The following C10orf143 variants were observed in gnomAD, a reference collection of about 807,000 sequenced individuals.
C10orf143 encodes the protein chromosome 10 open reading frame 143, also known as uncharacterized protein C10orf143.
chr10:130,087,522 T>C (rs777794965), intron 1 of C10orf143, among the ~76,000 whole-genome samples: 39 of 152,132 alleles, frequency 2.6e-4, no homozygotes, highest in African/African-American at 7.2e-5. Flanking sequence ...GCCTCAATGA[T>C]AGAAACACAC....
At chr10:130,082,095 G>A (rs1489077388) in intron 1 of C10orf143, among the ~76,000 whole-genome samples, 1 of 151,990 alleles carries the variant, frequency 6.6e-6, no homozygotes, top group Non-Finnish European at 1.5e-5. Context: ...AGCATTAAAA[G>A]TCCAGATATA....
chr10:130,106,739 T>C, intron 1 of C10orf143: 1 of 1,254,508 alleles, frequency 8.0e-7, no homozygotes, highest in South Asian at 1.2e-5. Context: ...AGCTGAAGTA[T>C]GGAACGAACA....
intron 1 of C10orf143, among the ~76,000 whole-genome samples, chr10:130,090,630 C>T (rs1025341087): frequency 9.2e-5 from 14 of 152,284 alleles, no homozygotes; most frequent in Admixed American, 3.3e-4. Context: ...GTGGATCCCA[C>T]CCCCAAGGAG....
chr10:130,086,886 G>A (rs1861299422), intron 1 of C10orf143, among the ~76,000 whole-genome samples: 3 of 152,164 alleles, frequency 2.0e-5, no homozygotes, highest in Non-Finnish European at 4.4e-5. Flanking sequence ...TGGTTGAATG[G>A]CCCTTGGCAC....
downstream of C10orf143, among the ~76,000 whole-genome samples, chr10:130,059,809 G>A (rs773348572): frequency 2.0e-5 from 3 of 152,072 alleles, no homozygotes; most frequent in Non-Finnish European, 2.9e-5. Flanking sequence ...GCCCTGATTC[G>A]GATCCCAATT....
intron 1 of C10orf143, chr10:130,107,450 G>C (rs774334831): frequency 2.1e-6 from 3 of 1,399,044 alleles, no homozygotes; most frequent in Non-Finnish European, 3.0e-6. Flanking sequence ...TTGGGCTGCT[G>C]AAAGAAACCT....
At chr10:130,093,939 G>T (rs1313114043) in intron 1 of C10orf143, among the ~76,000 whole-genome samples, 1 of 151,516 alleles carries the variant, frequency 6.6e-6, no homozygotes, top group East Asian at 1.9e-4. Flanking sequence ...GAACCCGGGA[G>T]GCGGAGCTTG....
At chr10:130,108,182 A>G in intron 1 of C10orf143, 1 of 1,573,188 alleles carries the variant, frequency 6.4e-7, no homozygotes, top group South Asian at 1.1e-5. Context: ...GTTCATGAGA[A>G]GAGCACCTCC....
intron 3 of C10orf143, among the ~76,000 whole-genome samples, chr10:130,039,187 G>T (rs1330702947): frequency 1.3e-5 from 2 of 152,218 alleles, no homozygotes; most frequent in Non-Finnish European, 2.9e-5. Flanking sequence ...GTATTGGCCA[G>T]TGTCTCCAGG....
chr10:130,042,449 A>G lies in C10orf143; in HGVS notation c.298-6479T>C, dbSNP rs561539361. Among the ~76,000 whole-genome samples, 3 of 152,388 alleles carry G rather than the reference A, an allele frequency of 2.0e-5. No homozygotes were observed. The South Asian group carries it at 6.2e-4, about 32-fold the overall frequency. On this transcript the variant is annotated intron_variant and NMD_transcript_variant, in intron 3 of 5. Coordinates refer to the C10orf143 transcript ENST00000643056. ...AAGAAACATTGTGATCGATTTCACC[A>G]TCGTTTTCTCAAACGGTCTCAGTCC...
At chr10:130,066,092 A>G (rs1860928169) in intron 3 of C10orf143, 1 of 152,136 alleles carries the variant, frequency 6.6e-6, no homozygotes, top group East Asian at 1.9e-4. Context: ...TGCTCTGTTC[A>G]AGGAGGGGTA....
At position 130,056,419 on chromosome 10, in the gene C10orf143, G is replaced by T. The variant is rs979652113; in HGVS notation, c.298-20449C>A. On this transcript the variant is annotated intron_variant and NMD_transcript_variant, in intron 3 of 5. Coordinates refer to the C10orf143 transcript ENST00000643056. This position sits in a 1 kb window ranked among gnomAD's most constrained non-coding sequence, Gnocchi z 4.6. ...CAGCAAGGGTCATGCTGAGTCAAGC[G>T]TTCAGTGAATACCCCAGGACCTTCA... 2.6e-5 allele frequency among the ~76,000 whole-genome samples: 4 copies of T among 152,102 alleles called. No individual in the cohort carries two copies. Among genetic ancestry groups the T allele is most frequent in the African/African-American group, 4.8e-5 (2 of 41,420 alleles).
chr10:130,088,849 G>A (rs1350996178), intron 1 of C10orf143, among the ~76,000 whole-genome samples: 1 of 152,162 alleles, frequency 6.6e-6, no homozygotes, highest in East Asian at 1.9e-4. Context: ...CTCTTAGGAG[G>A]TTTCTTTCTA....
chr10:130,037,776 A>T (rs1397792774), intron 3 of C10orf143, among the ~76,000 whole-genome samples: 1 of 152,162 alleles, frequency 6.6e-6, no homozygotes, highest in African/African-American at 2.4e-5. Flanking sequence ...ATCCCAGCTA[A>T]CCCACTGTGA....
At position 130,084,495 on chromosome 10, in the gene C10orf143, A is replaced by C. The variant is rs532490589; in HGVS notation, c.70-4594T>G. Reference sequence around the variant, plus strand: ...AATACACTGTAAATAACAAGAGCAAAGTTTCTCACTGTTTAAGAAATAAGC... The same window carrying C: ...AATACACTGTAAATAACAAGAGCAACGTTTCTCACTGTTTAAGAAATAAGC... On this transcript the variant is annotated intron_variant, in intron 1 of 3. Coordinates refer to ENST00000637128, the MANE Select transcript of C10orf143 (RefSeq NM_001355042.2). Among the ~76,000 whole-genome samples, 20 of 152,320 alleles carry C rather than the reference A, an allele frequency of 1.3e-4. No homozygotes were observed. The South Asian group carries it at 2.7e-3, about 20-fold the overall frequency.
chr10:130,076,267 C>G (rs180835117), intron 3 of C10orf143, among the ~76,000 whole-genome samples: 1 of 152,084 alleles, frequency 6.6e-6, no homozygotes, highest in Non-Finnish European at 1.5e-5. Context: ...CTATGTACTG[C>G]GGGAGGGCTA....
At chr10:130,081,415 A>G (rs906635507) in intron 1 of C10orf143, among the ~76,000 whole-genome samples, 6 of 152,366 alleles carry the variant, frequency 3.9e-5, no homozygotes, top group African/African-American at 1.4e-4. Flanking sequence ...AAGGCAGAGC[A>G]AGTACACAGA....
At chr10:130,110,667 C>T in intron 1 of C10orf143, 37 bp downstream of exon 1, 2 of 398,658 alleles carry the variant, frequency 5.0e-6, no homozygotes, top group Non-Finnish European at 8.9e-6. Flanking sequence ...GGGCCATCCG[C>T]CCTCCCGTCC....
intron 3 of C10orf143, chr10:130,066,879 C>T (rs1026948823): frequency 1.3e-5 from 2 of 152,190 alleles, no homozygotes; most frequent in African/African-American, 4.8e-5. Context: ...CATTGTGCCT[C>T]GACTGTGAGT....
Sources: allele counts gnomAD v4.1 joint callset (sites outside exome capture counted in the v4.1 genomes callset), GRCh38; gene constraint gnomAD v4.1.1; non-coding constraint Gnocchi (gnomAD v3.1); transcripts MANE v1.5; gene names NCBI Gene and HGNC (gene_info 2026-07-23, HGNC 2026-07-21).